The following ZNF385D variants were observed in gnomAD, a reference collection of about 807,000 sequenced individuals.
The protein encoded by ZNF385D is zinc finger protein 385D.
In ZNF385D, 15 loss-of-function variants were observed where a neutral mutation model predicts 35.8. That is an observed-to-expected ratio of 0.42 (90% CI 0.28 to 0.64). The LOEUF (loss-of-function observed/expected upper bound fraction) is 0.64, where lower values mean the gene tolerates loss of function less well. Among genes scored for constraint, ZNF385D ranks in the 30% least tolerant of loss-of-function variants. The pLI is 0.23. For synonymous variants in ZNF385D, 212 were observed against 186.8 expected (o/e 1.13, Z -1.10); for missense variants, 474 against 494.6 (o/e 0.96, Z 0.39).
intron 1 of ZNF385D, among the ~76,000 whole-genome samples, chr3:21,730,225 CA>C (rs2068933384): frequency 6.6e-6 from 1 of 152,120 alleles, no homozygotes; most frequent in Non-Finnish European, 1.5e-5. Flanking sequence ...AGCACTATAC[CA>C]GCGATGACTC....
chr3:22,061,383 T>C (rs1331241607), intron 3 of ZNF385D, among the ~76,000 whole-genome samples: 1 of 152,176 alleles, frequency 6.6e-6, no homozygotes, highest in African/African-American at 2.4e-5. Flanking sequence ...CCACCTATTC[T>C]AAGACATTGT....
chr3:21,900,287 G>C lies in ZNF385D; in HGVS notation c.326-235259C>G, dbSNP rs1375669290. Among the ~76,000 whole-genome samples the C allele has an allele frequency of 2.6e-5, 4 of 152,100 alleles. No individual in the cohort carries two copies. In the South Asian group the frequency reaches 6.2e-4, roughly 24 times the overall value. ...CAAATTTAACTCTAGTTGGATAACA[G>C]AGTCAAATGTGAAAGGCAAATCAAA... On this transcript the variant is annotated intron_variant, in intron 3 of 5. Transcript: ENST00000494108.
chr3:22,311,028 T>C (rs537812976), intron 2 of ZNF385D, among the ~76,000 whole-genome samples: 3 of 152,034 alleles, frequency 2.0e-5, no homozygotes, highest in South Asian at 4.1e-4. Flanking sequence ...CATATGATAC[T>C]ACGAAGGTTG....
At chr3:21,521,740 C>A (rs1707921632) in intron 3 of ZNF385D, among the ~76,000 whole-genome samples, 1 of 151,918 alleles carries the variant, frequency 6.6e-6, no homozygotes. Context: ...GAGATACTTT[C>A]TCTTAATAAA....
At chr3:22,222,607 C>G (rs142854583) in intron 2 of ZNF385D, among the ~76,000 whole-genome samples, 15 of 152,102 alleles carry the variant, frequency 9.9e-5, no homozygotes, top group Non-Finnish European at 2.2e-4. Flanking sequence ...ACTAGCTATA[C>G]GACTGTGGGG....
At chr3:21,540,699 G>A (rs753972249) in intron 3 of ZNF385D, among the ~76,000 whole-genome samples, 2 of 152,090 alleles carry the variant, frequency 1.3e-5, no homozygotes, top group Non-Finnish European at 2.9e-5. Flanking sequence ...CACAGATTTC[G>A]TAAACAAGAA....
intron 3 of ZNF385D, among the ~76,000 whole-genome samples, chr3:21,904,735 T>C (rs1699587099): frequency 6.6e-6 from 1 of 152,196 alleles, no homozygotes; most frequent in African/African-American, 2.4e-5. Flanking sequence ...TCTTTTGTGA[T>C]GCTAGATTTA....
intron 1 of ZNF385D, among the ~76,000 whole-genome samples, chr3:21,666,573 TAA>T (rs1325171565): frequency 1.3e-5 from 2 of 152,180 alleles, no homozygotes; most frequent in African/African-American, 4.8e-5. Flanking sequence ...CGAAATATAA[TAA>T]GTCTACATTC....
At chr3:22,237,878 G>T (rs1699278900) in intron 2 of ZNF385D, among the ~76,000 whole-genome samples, 1 of 145,180 alleles carries the variant, frequency 6.9e-6, no homozygotes, top group Admixed American at 6.9e-5. Context: ...TCCTGATCTT[G>T]TGATCTGCCC....
intron 3 of ZNF385D, among the ~76,000 whole-genome samples, chr3:22,048,216 C>G (rs949090877): frequency 1.3e-5 from 2 of 151,860 alleles, no homozygotes; most frequent in African/African-American, 4.8e-5. Flanking sequence ...TTGTTGTTTC[C>G]TTTCCTATGC....
At position 21,721,159 on chromosome 3, in the gene ZNF385D, C is replaced by G. The variant is rs114766171; in HGVS notation, c.22+29736G>C. On this transcript the variant is annotated intron_variant, in intron 1 of 7. Transcript: ENST00000281523. ...AAGGAGCATAATGACTTTGCCCCCT[C>G]CATTGCTATACTGGTTGTCTATGAG... Among the ~76,000 whole-genome samples, 462 of 152,250 alleles carry G rather than the reference C, an allele frequency of 3.0e-3. 2 individuals are homozygous for G. The highest frequency in any genetic ancestry group is 0.011 in the African/African-American group (444 of 41,540).
intron 2 of ZNF385D, among the ~76,000 whole-genome samples, chr3:22,171,016 A>G (rs555928296): frequency 4.6e-5 from 7 of 152,372 alleles, no homozygotes; most frequent in Non-Finnish European, 7.3e-5. Context: ...TAGAAAAAGT[A>G]TTAGAATTAT....
At chr3:22,073,750 TGAA>T (rs900624586) in intron 3 of ZNF385D, among the ~76,000 whole-genome samples, 5 of 152,018 alleles carry the variant, frequency 3.3e-5, no homozygotes, top group African/African-American at 1.2e-4. Flanking sequence ...TTTGCTGAAT[TGAA>T]GAATACATTT....
chr3:21,940,035 A>ATGC (rs1701439283), intron 3 of ZNF385D, among the ~76,000 whole-genome samples: 1 of 152,310 alleles, frequency 6.6e-6, no homozygotes, highest in South Asian at 2.1e-4. Context: ...TTCTCTGAAC[A>ATGC]TGCCTCACTT....
At position 21,420,189 on chromosome 3, in the gene ZNF385D, AC is replaced by A. The variant is rs1700674695; in HGVS notation, c.*1024del. On this transcript the variant is annotated 3_prime_UTR_variant, in exon 8 of 8. Transcript: ENST00000281523. ...TAAAGCAGAAACCTTTGCCTAAGAA[AC>A]AACCCTACTGGTATGATATAAAGGG... 1 of 152,188 alleles carries A rather than the reference AC, an allele frequency of 6.6e-6. No individual in the cohort carries two copies. The highest frequency in any genetic ancestry group is 1.5e-5 in the Non-Finnish European group (1 of 68,018). The allele number at this position is 152,188 out of a possible 1,614,324, so 9.4% of individuals were successfully genotyped here.
intron 4 of ZNF385D, among the ~76,000 whole-genome samples, chr3:21,507,052 A>G (rs1396100399): frequency 6.6e-6 from 1 of 152,220 alleles, no homozygotes; most frequent in Non-Finnish European, 1.5e-5. Context: ...ACCCCAAGGC[A>G]GCAGATAAAA....
chr3:21,802,228 A>C (rs1393703592), intron 3 of ZNF385D, among the ~76,000 whole-genome samples: 2 of 152,174 alleles, frequency 1.3e-5, no homozygotes, highest in Non-Finnish European at 2.9e-5. Context: ...CTTGTGAATA[A>C]TTTAGTATAT....
At chr3:22,299,838 CCT>C (rs1435539254) in intron 2 of ZNF385D, among the ~76,000 whole-genome samples, 5 of 151,746 alleles carry the variant, frequency 3.3e-5, no homozygotes, top group Admixed American at 1.3e-4. Flanking sequence ...GGAAAGATAA[CCT>C]GTGTCCGTAG....
intron 3 of ZNF385D, among the ~76,000 whole-genome samples, chr3:21,859,388 T>G (rs1244399769): frequency 1.3e-5 from 2 of 151,606 alleles, no homozygotes; most frequent in Middle Eastern, 3.4e-3. Context: ...AAGTAGTTAG[T>G]TGTCTTTGGA....
Sources: gnomAD v4.1 joint callset for allele counts (sites outside exome capture counted in the v4.1 genomes callset) on GRCh38, gnomAD v4.1.1 for gene constraint, MANE v1.5 for transcripts, NCBI Gene and HGNC (gene_info 2026-07-23, HGNC 2026-07-21) for gene names.